Variants in GABRB3 observed in about 807,000 individuals in gnomAD.
GABRB3 encodes gamma-aminobutyric acid receptor subunit beta-3.
A neutral mutation model predicts 52.1 loss-of-function variants in GABRB3; 14 were observed. The observed-to-expected ratio is 0.27, with a 90% confidence interval of 0.18 to 0.42. The LOEUF is 0.42. Ranked by LOEUF, GABRB3 falls within the 10% of genes least tolerant of loss-of-function variation. The pLI, the probability that GABRB3 is intolerant of heterozygous loss-of-function variation, is 1.00. For synonymous variants in GABRB3, 260 were observed against 232.3 expected (o/e 1.12, Z -1.08); for missense variants, 307 against 609.1 (o/e 0.50, Z 5.22).
chr15:26,773,524 G>C, upstream of GABRB3: 1 of 632,754 alleles, frequency 1.6e-6, no homozygotes, highest in Non-Finnish European at 2.4e-6. Flanking sequence ...GGCCCCGCAC[G>C]ACGACCACCG....
intron 7 of GABRB3, among the ~76,000 whole-genome samples, chr15:26,567,092 CA>C (rs1418055653): frequency 6.6e-6 from 1 of 152,110 alleles, no homozygotes; most frequent in Non-Finnish European, 1.5e-5. Context: ...ATCCAGCTGT[CA>C]AATAACCAAT....
intron 3 of GABRB3, among the ~76,000 whole-genome samples, chr15:26,673,845 AATGACCCATT>A (rs2140635569): frequency 6.6e-6 from 1 of 152,372 alleles, no homozygotes; most frequent in African/African-American, 2.4e-5. Flanking sequence ...CAAGTTAATT[AATGACCCATT>A]ATGGGGAAAA....
intron 4 of GABRB3, among the ~76,000 whole-genome samples, chr15:26,608,194 G>A (rs867876839): frequency 2.0e-5 from 3 of 150,940 alleles, no homozygotes; most frequent in Middle Eastern, 7.0e-3. Flanking sequence ...TTTTTGCCAA[G>A]AATATGCAAT....
intron 4 of GABRB3, among the ~76,000 whole-genome samples, chr15:26,603,757 G>C (rs1384177771): frequency 6.6e-6 from 1 of 151,786 alleles, no homozygotes; most frequent in African/African-American, 2.4e-5. Flanking sequence ...AAAAAACTAA[G>C]ATAGAAGGAA....
rs115791410 is a variant in GABRB3 at position 26,637,852 on chromosome 15, G to A, written c.241-16318C>T. On this transcript the variant is annotated intron_variant, in intron 3 of 8. Transcript: ENST00000311550. ...ACCCCTTTGATTGCACCAGCTCTAT[G>A]AGGACTCCATTTCAGCCCTCTGCTT... 6.1e-3 allele frequency among the ~76,000 whole-genome samples: 930 copies of A among 152,106 alleles called. 12 individuals carry two copies. Among genetic ancestry groups the A allele is most frequent in the African/African-American group, 0.022 (901 of 41,482 alleles).
At chr15:26,711,680 C>A (rs1324062290) in intron 3 of GABRB3, among the ~76,000 whole-genome samples, 1 of 152,158 alleles carries the variant, frequency 6.6e-6, no homozygotes, top group Admixed American at 6.5e-5. Flanking sequence ...GGGGAACCAA[C>A]CTGAGCTCCT....
intron 3 of GABRB3, among the ~76,000 whole-genome samples, chr15:26,759,494 C>T (rs1007705786): frequency 5.3e-5 from 8 of 152,112 alleles, no homozygotes; most frequent in African/African-American, 1.9e-4. Context: ...CTCCTGACCT[C>T]GTGATCCACC....
At chr15:26,737,379 C>T (rs558724271) in intron 3 of GABRB3, among the ~76,000 whole-genome samples, 32 of 152,226 alleles carry the variant, frequency 2.1e-4, no homozygotes, top group Non-Finnish European at 4.3e-4. Flanking sequence ...AACATTTTCA[C>T]CAAGATAAAA....
upstream of GABRB3, chr15:26,773,553 G>T: frequency 9.9e-7 from 1 of 1,008,536 alleles, no homozygotes; most frequent in Non-Finnish European, 1.5e-6. Context: ...AGCGCAGCCC[G>T]AGAGCCCCCG....
At chr15:26,726,428 T>G (rs201206223) in intron 3 of GABRB3, among the ~76,000 whole-genome samples, 1 of 152,190 alleles carries the variant, frequency 6.6e-6, no homozygotes, top group Admixed American at 6.5e-5. Flanking sequence ...ATGTCACTGA[T>G]AGTTCCACGT....
At chr15:26,767,053 T>C (rs912417485) in intron 3 of GABRB3, 2 of 152,252 alleles carry the variant, frequency 1.3e-5, no homozygotes, top group African/African-American at 2.4e-5. Context: ...AAGTTCATTA[T>C]ATGCTTTCTT....
Position 26,580,392 on chromosome 15 carries a change from C to T in GABRB3, c.609G>A (p.Val203=), listed in dbSNP as rs1254982367. ...AGAACTGCGGGAGCTCAATCCTTTC[C>T]ACTCCGGTAACAGCCTTGTCCCCGC... ...WRGGDKAVTG[V]ERIELPQFSI... Residue 203 remains valine (V), a synonymous_variant, in exon 6 of 9, where the codon GTG becomes GTA. Transcript: ENST00000311550. The T allele has an allele frequency of 3.1e-6, 5 of 1,614,058 alleles. No homozygotes were observed. The African/African-American group carries it at 5.3e-5, about 17-fold the overall frequency.
chr15:26,741,702 G>C (rs959653083), intron 3 of GABRB3, among the ~76,000 whole-genome samples: 9 of 152,070 alleles, frequency 5.9e-5, no homozygotes, highest in Admixed American at 1.3e-4. Flanking sequence ...TCAAACTCCT[G>C]GGCTCAAGGG....
chr15:26,548,199 G>T, intron 8 of GABRB3, 65 bp from the exon 9 acceptor site: 1 of 1,260,492 alleles, frequency 7.9e-7, no homozygotes, highest in Non-Finnish European at 1.2e-6. Context: ...GCAGATCCCG[G>T]ACAGAATGAT....
intron 4 of GABRB3, among the ~76,000 whole-genome samples, chr15:26,597,779 T>C (rs146889582): frequency 6.6e-6 from 1 of 152,370 alleles, no homozygotes; most frequent in East Asian, 1.9e-4. Context: ...AGTCAGAGTA[T>C]GAAGCCACCA....
chr15:26,640,799 C>T (rs2140571767), intron 3 of GABRB3, among the ~76,000 whole-genome samples: 1 of 152,322 alleles, frequency 6.6e-6, no homozygotes, highest in South Asian at 2.1e-4. Flanking sequence ...ATACACTGTC[C>T]AAACCTCCCA....
chr15:26,772,079 GGAA>G, intron 3 of GABRB3: 1 of 290,698 alleles, frequency 3.4e-6, no homozygotes, highest in Non-Finnish European at 6.2e-6. Context: ...ACAGCGCTCG[GGAA>G]ACCTCGGGAC....
intron 3 of GABRB3, among the ~76,000 whole-genome samples, chr15:26,749,370 A>G (rs562475567): frequency 1.3e-5 from 2 of 152,308 alleles, no homozygotes; most frequent in Non-Finnish European, 2.9e-5. Flanking sequence ...TGATTTCACT[A>G]TGCTTAGAAA....
intron 3 of GABRB3, among the ~76,000 whole-genome samples, chr15:26,630,412 G>A (rs1468609711): frequency 6.6e-6 from 1 of 152,224 alleles, no homozygotes; most frequent in African/African-American, 2.4e-5. Context: ...GAACTCTCTG[G>A]AGTATGCTCT....
Sources: allele counts gnomAD v4.1 joint callset (sites outside exome capture counted in the v4.1 genomes callset), GRCh38; gene constraint gnomAD v4.1.1; transcripts MANE v1.5; gene names NCBI Gene and HGNC (gene_info 2026-07-23, HGNC 2026-07-21).